The following QSOX2 variants were observed in gnomAD, a reference collection of about 807,000 sequenced individuals.
QSOX2 encodes the protein quiescin sulfhydryl oxidase 2.
In QSOX2, 46 loss-of-function variants were observed where a neutral mutation model predicts 61.7. The ratio of observed to expected loss-of-function variants is 0.75; its 90% CI spans 0.59 to 0.95. QSOX2 has a LOEUF of 0.95. QSOX2 is among the 40% of genes least tolerant of loss of function. QSOX2 has a pLI of 0.00. For synonymous variants in QSOX2, 383 were observed against 388.4 expected, an observed-to-expected ratio of 0.99 and a Z score of 0.16; for missense variants, 879 against 918.9, an observed-to-expected ratio of 0.96 and a Z score of 0.56.
rs959578289 is a variant in QSOX2 at position 136,221,473 on chromosome 9, C to T, written c.821+323G>A. 6.6e-6 allele frequency among the ~76,000 whole-genome samples: 1 copy of T among 152,252 alleles called. No homozygotes were observed. The highest frequency in any genetic ancestry group is 2.1e-4 in the South Asian group (1 of 4,836). On this transcript the variant is annotated intron_variant, in intron 6 of 11. Coordinates refer to ENST00000358701, the MANE Select transcript of QSOX2 (RefSeq NM_181701.4). This position sits in a 1 kb window ranked among gnomAD's most constrained non-coding sequence, Gnocchi z 4.5. Reference sequence around the variant, plus strand: ...ACCCAGAGCAGGGTTTTAGGAGCATCGGCTGCTCCCAAAGCCCCGGCCCAG... The same window carrying T: ...ACCCAGAGCAGGGTTTTAGGAGCATTGGCTGCTCCCAAAGCCCCGGCCCAG...
chr9:136,237,722 C>T (rs1351245277), intron 1 of QSOX2, among the ~76,000 whole-genome samples: 8 of 150,814 alleles, frequency 5.3e-5, no homozygotes, highest in Admixed American at 3.9e-4. Context: ...TCTGGGCCGG[C>T]GTCACCTGGA....
intron 2 of QSOX2, among the ~76,000 whole-genome samples, chr9:136,226,363 T>A (rs1830280740): frequency 1.3e-5 from 2 of 152,058 alleles, no homozygotes; most frequent in Admixed American, 1.3e-4. Flanking sequence ...CCTGTGCCTG[T>A]GTGTGCGTGT....
At chr9:136,236,196 G>A (rs1830379662) in intron 1 of QSOX2, among the ~76,000 whole-genome samples, 1 of 152,180 alleles carries the variant, frequency 6.6e-6, no homozygotes, top group East Asian at 1.9e-4. Context: ...CCCACTCCCT[G>A]CTCCGCACAG....
At chr9:136,230,204 G>A (rs186941027) in intron 1 of QSOX2, among the ~76,000 whole-genome samples, 131 of 152,342 alleles carry the variant, frequency 8.6e-4, no homozygotes, top group Non-Finnish European at 1.7e-3. Context: ...GCATGAACCC[G>A]GGAGGAGGAG....
chr9:136,226,857 G>T lies in QSOX2; in HGVS notation c.346C>A (p.Arg116Ser). 6.2e-7 allele frequency: 1 copy of T among 1,614,074 alleles called. No homozygotes were observed. The highest frequency in any genetic ancestry group is 8.5e-7 in the Non-Finnish European group (1 of 1,179,942). ...TCCATGCAGTCCAGAGCTGCGACGC[G>T]AATGGCACTGGCCCAGTCTGAAAAG... is the stretch of plus-strand genomic sequence containing the variant. ...GDVRDWASAI[R>S]VAALDCMEEK... Residue 116 changes from arginine to serine, a missense_variant, in exon 2 of 12, where the codon CGC becomes AGC. By Grantham distance (110) the Arg-to-Ser change is moderately radical (BLOSUM62 -1). Transcript: ENST00000358701.
In QSOX2 at chr9:136,208,070, A is replaced by ACGTCTGGTGTCGAACACC. The variant is rs1465986058; in HGVS notation, c.*640_*657dup. On this transcript the variant is annotated 3_prime_UTR_variant, in exon 12 of 12. Coordinates refer to ENST00000358701, the MANE Select transcript of QSOX2 (RefSeq NM_181701.4). ...TGGCTCCTCCCCTGTTGAAATCCCC[A>ACGTCTGGTGTCGAACACC]CGTCTGGTGTCGAACACCCGGAGGA... 2.0e-5 allele frequency: 3 copies of ACGTCTGGTGTCGAACACC among 151,384 alleles called. No individual in the cohort carries two copies. The highest frequency in any genetic ancestry group is 4.4e-5 in the Non-Finnish European group (3 of 67,882). 9.4% of individuals were successfully genotyped at this position (151,384 alleles called of 1,614,324 possible).
chr9:136,238,182 TG>T, intron 1 of QSOX2, among the ~76,000 whole-genome samples: 1 of 152,384 alleles, frequency 6.6e-6, no homozygotes. Flanking sequence ...CTCAGCTTTT[TG>T]TCCTATTTCC....
intron 10 of QSOX2, among the ~76,000 whole-genome samples, chr9:136,213,775 G>A (rs577662320): frequency 6.6e-6 from 1 of 152,288 alleles, no homozygotes; most frequent in South Asian, 2.1e-4. Flanking sequence ...GACTCTCAGG[G>A]GGTCCTGCCT....
chr9:136,227,377 C>A lies in QSOX2; in HGVS notation c.329-503G>T, dbSNP rs192541086. Among the ~76,000 whole-genome samples, 316 of 152,294 alleles carry A rather than the reference C, an allele frequency of 2.1e-3. 3 individuals carry two copies. The highest frequency in any genetic ancestry group is 7.5e-3 in the African/African-American group (311 of 41,552). On this transcript the variant is annotated intron_variant, in intron 1 of 11. Coordinates refer to ENST00000358701, the MANE Select transcript of QSOX2 (RefSeq NM_181701.4). ...TGCACAGACACATGTGAAGTGGTTT[C>A]CAACACCATCCCAGACACTGCCCGC...
Position 136,223,776 on chromosome 9 carries a change from T to A in QSOX2, c.662A>T (p.Tyr221Phe). 6.2e-7 allele frequency: 1 copy of A among 1,613,908 alleles called. No homozygotes were observed. Among genetic ancestry groups the A allele is most frequent in the Non-Finnish European group, 8.5e-7 (1 of 1,179,988 alleles). Residue 221 changes from tyrosine (Y) to phenylalanine (F), a missense_variant, in exon 5 of 12, where the codon TAC becomes TTC. Coordinates refer to ENST00000358701, the MANE Select transcript of QSOX2 (RefSeq NM_181701.4). The surrounding 1 kb of genome is among the most constrained non-coding windows in gnomAD (Gnocchi z 4.4). ...CAGAGGCCGTACCTCCCGTCCAAGG[T>A]AGGAGCTGTTGCTTTCAAAGACAAT... ...VAIVFESNSSYLGREVILDLI... is the reference protein window; with the variant it reads ...VAIVFESNSSFLGREVILDLI...
At chr9:136,215,007 G>A in intron 10 of QSOX2, 147 bp downstream of exon 10, 1 of 941,140 alleles carries the variant, frequency 1.1e-6, no homozygotes, top group Non-Finnish European at 1.5e-6. Flanking sequence ...CTGACCGTGT[G>A]AGAGGAGTCT....
intron 1 of QSOX2, among the ~76,000 whole-genome samples, chr9:136,227,254 T>C (rs1433509928): frequency 1.3e-5 from 2 of 152,160 alleles, no homozygotes; most frequent in African/African-American, 4.8e-5. Flanking sequence ...TGCAGATTAA[T>C]CAGATACGGT....
rs1737768995 is a variant in QSOX2 at position 136,223,565 on chromosome 9, A to G, written c.675+198T>C. Among the ~76,000 whole-genome samples, 1 of 152,156 alleles carries G rather than the reference A, an allele frequency of 6.6e-6. No homozygotes were observed. Among genetic ancestry groups the G allele is most frequent in the South Asian group, 2.1e-4 (1 of 4,832 alleles). ...ACCCCTCCCACCGCCAAGCTCATTC[A>G]TCCTAACAGTCTTCTCCAGACACCA... On this transcript the variant is annotated intron_variant, in intron 5 of 11. Coordinates refer to ENST00000358701, the MANE Select transcript of QSOX2 (RefSeq NM_181701.4). This position sits in a 1 kb window ranked among gnomAD's most constrained non-coding sequence, Gnocchi z 4.4.
In QSOX2 at chr9:136,208,291, T is replaced by TGGAGGGTGCAGGGAGGGCCAAGGTGGCG. The variant is rs71384066; in HGVS notation, c.*436_*437insCGCCACCTTGGCCCTCCCTGCACCCTCC. ...GCGGGGGGAGGGGGAGCGAGGGGAG[T>TGGAGGGTGCAGGGAGGGCCAAGGTGGCG]GGGGGGGAGCCAGGAGCCGCGGGGG... On this transcript the variant is annotated 3_prime_UTR_variant, in exon 12 of 12. Coordinates refer to ENST00000358701, the MANE Select transcript of QSOX2 (RefSeq NM_181701.4). 1.5e-5 allele frequency: 1 copy of TGGAGGGTGCAGGGAGGGCCAAGGTGGCG among 67,840 alleles called. No individual in the cohort carries two copies. The highest frequency in any genetic ancestry group is 1.7e-4 in the Admixed American group (1 of 5,978). 4.2% of individuals were successfully genotyped at this position (67,840 alleles called of 1,614,324 possible). A position where few individuals can be genotyped will look rare whatever the true frequency, so the allele number is the denominator to read the frequency against.
rs1831827124 is a variant in QSOX2, at chr9:136,210,068, T to C, written c.1550-793A>G. The C allele has an allele frequency of 3.0e-6, 3 of 985,452 alleles. No homozygotes were observed. The African/African-American group carries it at 5.2e-5, about 17-fold the overall frequency. The allele number at this position is 985,452 out of a possible 1,614,324, so 61.0% of individuals were successfully genotyped here. ...ACGTGCCTGAAATCAAGAGATGCCC[T>C]ACTCGGGCCAGTCACTGACTGCGTG... On this transcript the variant is annotated intron_variant, in intron 11 of 11. Transcript: ENST00000358701.
At chr9:136,244,191 ATTAC>A (rs1321406913) in intron 1 of QSOX2, among the ~76,000 whole-genome samples, 1 of 152,210 alleles carries the variant, frequency 6.6e-6, no homozygotes, top group Non-Finnish European at 1.5e-5. Flanking sequence ...ACGTGATTGA[ATTAC>A]TTGTTTGTTT....
intron 1 of QSOX2, among the ~76,000 whole-genome samples, chr9:136,241,716 T>G (rs1830434831): frequency 6.6e-6 from 1 of 152,162 alleles, no homozygotes; most frequent in Non-Finnish European, 1.5e-5. Flanking sequence ...AGGACAGGTG[T>G]GGGAGGACTC....
chr9:136,223,915 C>A lies in QSOX2; in HGVS notation c.585-62G>T. On this transcript the variant is annotated intron_variant, in intron 4 of 11. Transcript: ENST00000358701. The surrounding 1 kb of genome is among the most constrained non-coding windows in gnomAD (Gnocchi z 4.4). ...AACAGCAGCGAGTTGGCCACCACAT[C>A]CCAGTGGCCACATCACTTAATAGAA... is the stretch of plus-strand genomic sequence containing the variant. The A allele has an allele frequency of 6.4e-7, 1 of 1,557,000 alleles. No homozygotes were observed. The highest frequency in any genetic ancestry group is 8.9e-7 in the Non-Finnish European group (1 of 1,128,874).
At chr9:136,218,935 T>C in intron 7 of QSOX2, 95 bp downstream of exon 7, 1 of 1,573,204 alleles carries the variant, frequency 6.4e-7, no homozygotes. Context: ...CCTCACTGGC[T>C]GGGGTGGGTT....
Sources: gnomAD v4.1 joint callset for allele counts (sites outside exome capture counted in the v4.1 genomes callset) on GRCh38, gnomAD v4.1.1 for gene constraint, Gnocchi (gnomAD v3.1) non-coding constraint, MANE v1.5 for transcripts, NCBI Gene and HGNC (gene_info 2026-07-23, HGNC 2026-07-21) for gene names.